Variants in PPP1R1C observed in about 807,000 individuals in gnomAD.
PPP1R1C encodes protein phosphatase 1 regulatory inhibitor subunit 1C.
PPP1R1C carries 15 observed loss-of-function variants against 17.4 expected under a neutral mutation model. The ratio of observed to expected loss-of-function variants is 0.86; its 90% CI spans 0.58 to 1.33. The LOEUF (loss-of-function observed/expected upper bound fraction) is 1.33. Among genes scored for constraint, PPP1R1C ranks in the 40% most tolerant of loss-of-function variants. The probability of loss-of-function intolerance (pLI) is 0.00; values close to 1 mark genes in which losing one functional copy is unlikely to be tolerated. For missense variants in PPP1R1C, 143 were observed against 130.0 expected, an observed-to-expected ratio of 1.10 and a Z score of -0.48; for synonymous variants, 35 against 43.1, an observed-to-expected ratio of 0.81 and a Z score of 0.73.
intron 2 of PPP1R1C, among the ~76,000 whole-genome samples, chr2:181,999,255 C>G (rs1252615572): frequency 6.6e-6 from 1 of 152,166 alleles, no homozygotes; most frequent in African/African-American, 2.4e-5. Flanking sequence ...AACATACCAA[C>G]TCAAAAGCAA....
intron 2 of PPP1R1C, among the ~76,000 whole-genome samples, chr2:181,980,362 GT>G (rs1685170568): frequency 6.6e-6 from 1 of 152,164 alleles, no homozygotes; most frequent in Admixed American, 6.5e-5. Context: ...TAGACAAGGG[GT>G]GAGAGCGAAT....
At chr2:182,089,504 G>C (rs539769026) in intron 4 of PPP1R1C, among the ~76,000 whole-genome samples, 1 of 152,192 alleles carries the variant, frequency 6.6e-6, no homozygotes, top group African/African-American at 2.4e-5. Context: ...TTCTAACTTT[G>C]AGTTAAATGT....
At chr2:182,044,161 A>G (rs949408936) in intron 2 of PPP1R1C, among the ~76,000 whole-genome samples, 1 of 152,186 alleles carries the variant, frequency 6.6e-6, no homozygotes, top group African/African-American at 2.4e-5. Context: ...AGCTACCTGT[A>G]TCCAGGATGG....
intron 4 of PPP1R1C, among the ~76,000 whole-genome samples, chr2:182,104,219 A>G (rs969384800): frequency 6.6e-6 from 1 of 152,192 alleles, no homozygotes; most frequent in East Asian, 1.9e-4. Context: ...TACTTGCTCT[A>G]GCTAGGACTT....
intron 4 of PPP1R1C, among the ~76,000 whole-genome samples, chr2:182,092,812 G>C (rs1257335960): frequency 1.3e-5 from 2 of 152,194 alleles, no homozygotes; most frequent in Non-Finnish European, 2.9e-5. Context: ...GGTCCCCATA[G>C]TCTTGGGCAG....
intron 4 of PPP1R1C, among the ~76,000 whole-genome samples, chr2:182,082,628 A>C (rs1397435259): frequency 2.0e-5 from 3 of 152,196 alleles, no homozygotes; most frequent in Non-Finnish European, 2.9e-5. Context: ...TAGACTCAAT[A>C]AGTACTGAAT....
At chr2:182,031,157 A>G (rs957541799) in intron 2 of PPP1R1C, among the ~76,000 whole-genome samples, 2 of 152,252 alleles carry the variant, frequency 1.3e-5, no homozygotes, top group African/African-American at 4.8e-5. Context: ...ATGGAAATGC[A>G]GAAATCACCT....
upstream of PPP1R1C, among the ~76,000 whole-genome samples, chr2:181,983,506 ATACC>A (rs1294059070): frequency 2.7e-4 from 41 of 152,326 alleles, no homozygotes; most frequent in African/African-American, 7.5e-4. Context: ...TAGGAAAATT[ATACC>A]CCCCATGCAA....
intron 2 of PPP1R1C, among the ~76,000 whole-genome samples, chr2:182,016,964 C>A (rs1210640652): frequency 6.6e-6 from 1 of 152,140 alleles, no homozygotes; most frequent in African/African-American, 2.4e-5. Context: ...AAGTTTCAAT[C>A]TTATTTTAAT....
In PPP1R1C at chr2:181,961,563, T is replaced by G. The variant is rs866816815; in HGVS notation, n.111+6929T>G. The G allele has an allele frequency of 5.3e-5, 41 of 774,054 alleles. No homozygotes were observed. The South Asian group carries it at 5.9e-4, about 11-fold the overall frequency. 47.9% of individuals were successfully genotyped at this position (774,054 alleles called of 1,614,324 possible). A position where few individuals can be genotyped will look rare whatever the true frequency, so the allele number is the denominator to read the frequency against. ...TTCTCATGGAGTCCAGGTCCATCTT[T>G]AAGGACTGGACTGTACGTCTCAGCT... On this transcript the variant is annotated intron_variant and non_coding_transcript_variant, in intron 1 of 5. Coordinates refer to the PPP1R1C transcript ENST00000464264. The surrounding 1 kb of genome is among the most constrained non-coding windows in gnomAD (Gnocchi z 5.8).
chr2:182,129,521 T>C (rs1415796110), exon 6 of PPP1R1C: 1 of 152,170 alleles, frequency 6.6e-6, no homozygotes, highest in African/African-American at 2.4e-5. Context: ...ATAAAAAGGC[T>C]ATTTTATTGT....
intron 4 of PPP1R1C, among the ~76,000 whole-genome samples, chr2:182,095,660 A>G (rs1197659486): frequency 6.6e-6 from 1 of 152,220 alleles, no homozygotes; most frequent in Non-Finnish European, 1.5e-5. Flanking sequence ...ATGGGGCTGC[A>G]GAGGAGAAAA....
At chr2:182,094,789 G>C (rs920859983) in intron 4 of PPP1R1C, among the ~76,000 whole-genome samples, 2 of 152,216 alleles carry the variant, frequency 1.3e-5, no homozygotes, top group Admixed American at 6.5e-5. Flanking sequence ...CATGCTTAGT[G>C]TTCCAATAAT....
chr2:182,015,608 A>T (rs916503656), intron 2 of PPP1R1C, among the ~76,000 whole-genome samples: 2 of 152,046 alleles, frequency 1.3e-5, no homozygotes. Flanking sequence ...TGCCCAAGAA[A>T]ATGTCAGTCA....
chr2:182,125,498 G>C (rs1162272817), intron 5 of PPP1R1C, among the ~76,000 whole-genome samples: 1 of 152,112 alleles, frequency 6.6e-6, no homozygotes, highest in Non-Finnish European at 1.5e-5. Flanking sequence ...TGTACCTCTG[G>C]TAGAATTTGG....
intron 4 of PPP1R1C, among the ~76,000 whole-genome samples, chr2:182,091,089 A>G (rs1242261835): frequency 6.6e-6 from 1 of 152,200 alleles, no homozygotes; most frequent in African/African-American, 2.4e-5. Flanking sequence ...CTTTTCTTCA[A>G]CCTTAAAGGA....
chr2:181,992,404 T>C (rs531252813), intron 2 of PPP1R1C, among the ~76,000 whole-genome samples: 3 of 135,440 alleles, frequency 2.2e-5, no homozygotes, highest in Non-Finnish European at 5.0e-5. Context: ...ATTCTCCCTA[T>C]TGCTCTGCCT....
At chr2:181,954,500 A>G (rs924940458), upstream of PPP1R1C, 37 of 152,204 alleles carry the variant, frequency 2.4e-4, no homozygotes, top group African/African-American at 8.4e-4. Flanking sequence ...TTGAACTGCT[A>G]GGTACTCCTT....
At chr2:182,083,456 A>G (rs149810889) in intron 4 of PPP1R1C, among the ~76,000 whole-genome samples, 70 of 152,226 alleles carry the variant, frequency 4.6e-4, no homozygotes, top group African/African-American at 1.6e-3. Context: ...TCTGTGGCAT[A>G]ATGTATACCC....
Sources: gnomAD v4.1 joint callset for allele counts (sites outside exome capture counted in the v4.1 genomes callset) on GRCh38, gnomAD v4.1.1 for gene constraint, Gnocchi (gnomAD v3.1) non-coding constraint, MANE v1.5 for transcripts, NCBI Gene and HGNC (gene_info 2026-07-23, HGNC 2026-07-21) for gene names.